The following SCN7A variants were observed in gnomAD, a reference collection of about 807,000 sequenced individuals.
SCN7A encodes sodium channel protein type 7 subunit alpha.
SCN7A carries 138 observed loss-of-function variants against 155.2 expected under a neutral mutation model. The ratio of observed to expected loss-of-function variants is 0.89; its 90% confidence interval spans 0.77 to 1.02. The LOEUF is 1.02. Among genes scored for constraint, SCN7A ranks in the 50% least tolerant of loss-of-function variants. SCN7A has a pLI of 0.00. For synonymous variants in SCN7A, 693 were observed against 649.0 expected (o/e 1.07, Z -1.03); for missense variants, 2,058 against 1,986.6 (o/e 1.04, Z -0.68).
chr2:166,493,470 C>T (rs559261898), intron 1 of SCN7A, among the ~76,000 whole-genome samples: 2 of 152,326 alleles, frequency 1.3e-5, no homozygotes, highest in South Asian at 4.1e-4. Flanking sequence ...AAATGCCCAA[C>T]TGACTAAACT....
intron 2 of SCN7A, among the ~76,000 whole-genome samples, chr2:166,484,935 A>C (rs371737455): frequency 2.0e-5 from 3 of 152,200 alleles, no homozygotes; most frequent in East Asian, 1.9e-4. Flanking sequence ...AAAAGTAATA[A>C]ATATATGGGA....
intron 3 of SCN7A, among the ~76,000 whole-genome samples, chr2:166,475,225 A>G (rs1179533209): frequency 6.8e-6 from 1 of 147,776 alleles, no homozygotes; most frequent in Non-Finnish European, 1.5e-5. Flanking sequence ...TATAAATACA[A>G]ATGTGAATAT....
At chr2:166,482,048 T>G (rs370522757) in intron 2 of SCN7A, among the ~76,000 whole-genome samples, 22 of 152,156 alleles carry the variant, frequency 1.4e-4, no homozygotes. Flanking sequence ...GAATATTGGT[T>G]GTTAATTTCA....
rs1252959130 is a variant in SCN7A at position 166,406,442 on chromosome 2, A to G, written c.4187T>C (p.Val1396Ala). The change falls in exon 26 of 26, where the codon GTA (valine) becomes GCA (alanine). Residue 1396 changes from valine (V) to alanine (A), a missense_variant. By Grantham distance (64) the Val-to-Ala change is moderately conservative. Transcript: ENST00000643258. ...LIFLVMFIYA[V>A]FGMYNFAYVK... ...ATAGGCAAAATTATACATTCCAAAT[A>G]CGGCATAGATGAACATGACCAGGAA... 6.2e-7 allele frequency: 1 copy of G among 1,612,974 alleles called. No individual in the cohort carries two copies. The highest frequency in any genetic ancestry group is 1.1e-5 in the South Asian group (1 of 91,058).
intron 20 of SCN7A, among the ~76,000 whole-genome samples, chr2:166,420,584 G>A (rs1213841132): frequency 2.6e-5 from 4 of 151,806 alleles, no homozygotes; most frequent in Non-Finnish European, 5.9e-5. Flanking sequence ...ATTGAACACC[G>A]GCCTTTTATA....
At chr2:166,406,709 A>C (rs1701084987) in intron 25 of SCN7A, 63 bp from the exon 26 acceptor site, 1 of 1,121,306 alleles carries the variant, frequency 8.9e-7, no homozygotes, top group Admixed American at 2.4e-5. Context: ...TTTGAGGACT[A>C]TAAATTATTT....
At chr2:166,438,644 T>A (rs1408120852) in intron 15 of SCN7A, among the ~76,000 whole-genome samples, 1 of 152,172 alleles carries the variant, frequency 6.6e-6, no homozygotes, top group East Asian at 1.9e-4. Context: ...ATGTGAAATG[T>A]CTTCCTTTTA....
At chr2:166,427,741 T>C (rs1701653898) in intron 18 of SCN7A, 47 bp downstream of exon 18, 2 of 1,535,348 alleles carry the variant, frequency 1.3e-6, no homozygotes, top group Admixed American at 1.8e-5. Flanking sequence ...AGAATCATGA[T>C]ACATTTGTCC....
chr2:166,428,920 T>C (rs1701676646), intron 17 of SCN7A, among the ~76,000 whole-genome samples: 1 of 152,050 alleles, frequency 6.6e-6, no homozygotes, highest in African/African-American at 2.4e-5. Context: ...TACCTATATA[T>C]GTTGAAGTCA....
At chr2:166,427,527 T>G (rs1701649348) in intron 18 of SCN7A, among the ~76,000 whole-genome samples, 1 of 152,020 alleles carries the variant, frequency 6.6e-6, no homozygotes, top group Non-Finnish European at 1.5e-5. Context: ...TTTCCCACTG[T>G]CACTCATATA....
chr2:166,441,902 A>C, intron 14 of SCN7A, 150 bp from the exon 15 acceptor site: 1 of 618,308 alleles, frequency 1.6e-6, no homozygotes, highest in South Asian at 2.3e-5. Context: ...TTTGTGACAA[A>C]TTCTTAATAC....
chr2:166,446,600 G>T (rs1294123446), intron 12 of SCN7A, among the ~76,000 whole-genome samples: 3 of 152,120 alleles, frequency 2.0e-5, no homozygotes, highest in Admixed American at 2.0e-4. Flanking sequence ...ATTCACAATA[G>T]CAAAGACTTG....
chr2:166,458,135 T>C (rs1702325108), intron 10 of SCN7A, among the ~76,000 whole-genome samples: 1 of 152,022 alleles, frequency 6.6e-6, no homozygotes, highest in Non-Finnish European at 1.5e-5. Flanking sequence ...ATAGGTATTA[T>C]AAAGTACATT....
chr2:166,405,674 T>A lies in SCN7A; in HGVS notation c.4955A>T (p.His1652Leu), dbSNP rs778620195. The part of the protein sequence containing the change: ...RRNDKNTSDI[H>L]MIDGDRDVHA... The stretch of plus-strand genomic sequence containing the variant: ...AACATCTCTGTCACCATCTATCATA[T>A]GAATATCTGATGTATTTTTGTCATT... The change falls in exon 26 of 26, where the codon CAT (histidine) becomes CTT (leucine). Residue 1652 changes from histidine (H) to leucine (L), a missense_variant. Coordinates refer to ENST00000643258, the MANE Select transcript of SCN7A (RefSeq NM_002976.4). The A allele has an allele frequency of 1.9e-6, 3 of 1,612,986 alleles. No homozygotes were observed. The highest frequency in any genetic ancestry group is 1.1e-5 in the South Asian group (1 of 91,038).
chr2:166,412,539 A>T lies in SCN7A; in HGVS notation c.3597T>A (p.His1199Gln), dbSNP rs1701223890. 1.4e-6 allele frequency: 2 copies of T among 1,476,786 alleles called. No individual in the cohort carries two copies. The allele number at this position is 1,476,786 out of a possible 1,614,324, so 91.5% of individuals were successfully genotyped here. The change falls in exon 23 of 26, where the codon CAT (histidine) becomes CAA (glutamine). Residue 1199 changes from histidine to glutamine, a missense_variant. Coordinates refer to ENST00000643258, the MANE Select transcript of SCN7A (RefSeq NM_002976.4). ...TAATATTTATACTTATCTTTATTTT[A>T]TGCTTGTTGAAATTATCAATAATAA... ...ITVIIDNFNK[H>Q]KIKLGGSNIF...
At chr2:166,410,030 A>C (rs780569302) in intron 24 of SCN7A, 95 bp from the exon 25 acceptor site, 58 of 1,293,138 alleles carry the variant, frequency 4.5e-5, no homozygotes, top group Non-Finnish European at 5.5e-5. Flanking sequence ...TCCCAAAATA[A>C]ATGAGAATAA....
intron 2 of SCN7A, among the ~76,000 whole-genome samples, chr2:166,479,238 A>T (rs1002955379): frequency 5.3e-5 from 8 of 152,124 alleles, no homozygotes; most frequent in Admixed American, 3.3e-4. Context: ...TGAGTTGTTT[A>T]ATACTTTAAC....
At position 166,403,765 on chromosome 2, in the gene SCN7A, G is replaced by C. The variant is rs1486920448; in HGVS notation, c.*1815C>G. 6.6e-6 allele frequency: 1 copy of C among 151,928 alleles called. No homozygotes were observed. Among genetic ancestry groups the C allele is most frequent in the African/African-American group, 2.4e-5 (1 of 41,400 alleles). The allele number at this position is 151,928 out of a possible 1,614,324, so 9.4% of individuals were successfully genotyped here. On this transcript the variant is annotated 3_prime_UTR_variant, in exon 26 of 26. Coordinates refer to ENST00000643258, the MANE Select transcript of SCN7A (RefSeq NM_002976.4). The stretch of plus-strand genomic sequence containing the variant: ...TACGCAATTTACAGAAGCAAGTTAT[G>C]ATTCAATTTAAGTATCTGAAGCAGT...
At chr2:166,451,556 C>T (rs1702177387) in intron 11 of SCN7A, among the ~76,000 whole-genome samples, 1 of 152,120 alleles carries the variant, frequency 6.6e-6, no homozygotes, top group Admixed American at 6.6e-5. Flanking sequence ...AGAACTTAGT[C>T]ACATGTCTCA....
Sources: gnomAD v4.1 joint callset for allele counts (sites outside exome capture counted in the v4.1 genomes callset) on GRCh38, gnomAD v4.1.1 for gene constraint, MANE v1.5 for transcripts, NCBI Gene and HGNC (gene_info 2026-07-23, HGNC 2026-07-21) for gene names.